SCD5: variants seen among roughly 807,000 people sequenced by gnomAD.
SCD5 encodes stearoyl-CoA desaturase 5.
A neutral mutation model predicts 30.4 loss-of-function variants in SCD5; 20 were observed. The observed-to-expected ratio is 0.66, with a 90% confidence interval of 0.46 to 0.96. SCD5 has a LOEUF of 0.96. Among genes scored for constraint, SCD5 ranks in the 40% least tolerant of loss-of-function variants. SCD5 has a pLI of 0.00. For synonymous variants in SCD5, 173 were observed against 176.4 expected, an observed-to-expected ratio of 0.98 and a Z score of 0.16; for missense variants, 381 against 443.3, an observed-to-expected ratio of 0.86 and a Z score of 1.26.
intron 3 of SCD5, among the ~76,000 whole-genome samples, chr4:82,657,448 A>T (rs904195064): frequency 6.6e-6 from 1 of 152,096 alleles, no homozygotes; most frequent in Non-Finnish European, 1.5e-5. Context: ...GTTCTGTTTC[A>T]TTGGTCTGTG....
At chr4:82,664,707 G>C (rs904714975) in intron 3 of SCD5, among the ~76,000 whole-genome samples, 9 of 152,042 alleles carry the variant, frequency 5.9e-5, no homozygotes, top group Admixed American at 2.0e-4. Context: ...ACTGAGGAAA[G>C]AATTAGTAAA....
At chr4:82,745,303 A>G (rs1379419805) in intron 1 of SCD5, among the ~76,000 whole-genome samples, 1 of 152,154 alleles carries the variant, frequency 6.6e-6, no homozygotes, top group Non-Finnish European at 1.5e-5. Flanking sequence ...TTTCTAATTC[A>G]TGGGGAGACT....
chr4:82,645,314 G>GAAA (rs34850249), intron 3 of SCD5, among the ~76,000 whole-genome samples: 2 of 144,752 alleles, frequency 1.4e-5, no homozygotes, highest in Non-Finnish European at 3.0e-5. Context: ...ACCGTCTCAA[G>GAAA]AAAAAAAAAA....
chr4:82,744,742 G>T lies in SCD5; in HGVS notation c.233-39329C>A, dbSNP rs539510559. Among the ~76,000 whole-genome samples the T allele has an allele frequency of 3.3e-5, 5 of 152,060 alleles. No homozygotes were observed. The East Asian group carries it at 9.6e-4, about 29-fold the overall frequency. On this transcript the variant is annotated intron_variant, in intron 1 of 4. Transcript: ENST00000319540. ...ATCAATAACATGCTTGAAGAATTTA[G>T]GTATCACTTGCTAGTCTTCGAGAAG...
chr4:82,797,957 T>C (rs1421451168), intron 1 of SCD5, among the ~76,000 whole-genome samples: 1 of 152,064 alleles, frequency 6.6e-6, no homozygotes, highest in Non-Finnish European at 1.5e-5. Context: ...CGATTCAGCC[T>C]GTGCCGAGCC....
chr4:82,680,055 G>A (rs763603399), intron 3 of SCD5, among the ~76,000 whole-genome samples: 4 of 152,102 alleles, frequency 2.6e-5, no homozygotes, highest in Non-Finnish European at 5.9e-5. Flanking sequence ...AAGAACAAAG[G>A]TCGCTCTCTA....
chr4:82,794,824 A>AT (rs368222132), intron 1 of SCD5, among the ~76,000 whole-genome samples: 10 of 151,144 alleles, frequency 6.6e-5, no homozygotes, highest in Admixed American at 2.6e-4. Flanking sequence ...TAATTTTTGT[A>AT]TTTTTTTTAG....
intron 1 of SCD5, among the ~76,000 whole-genome samples, chr4:82,763,986 C>T (rs778994689): frequency 4.6e-5 from 7 of 152,100 alleles, no homozygotes; most frequent in Non-Finnish European, 8.8e-5. Flanking sequence ...ATTGATGTTG[C>T]GTGATGTATC....
At chr4:82,747,910 C>T (rs1185249116) in intron 1 of SCD5, among the ~76,000 whole-genome samples, 3 of 152,156 alleles carry the variant, frequency 2.0e-5, no homozygotes, top group African/African-American at 7.2e-5. Flanking sequence ...CCTATGGAAT[C>T]AGGAAGAGAG....
At chr4:82,727,315 A>T (rs1223603171) in intron 1 of SCD5, among the ~76,000 whole-genome samples, 2 of 152,168 alleles carry the variant, frequency 1.3e-5, no homozygotes, top group African/African-American at 4.8e-5. Context: ...ACACTATACT[A>T]AGAGTATGTA....
chr4:82,795,873 T>C (rs1216607060), intron 1 of SCD5, among the ~76,000 whole-genome samples: 1 of 144,356 alleles, frequency 6.9e-6, no homozygotes, highest in African/African-American at 2.6e-5. Flanking sequence ...ATAAGACCCA[T>C]TGTTTGGACT....
At chr4:82,700,099 C>A (rs866013419) in intron 2 of SCD5, among the ~76,000 whole-genome samples, 1 of 151,924 alleles carries the variant, frequency 6.6e-6, no homozygotes, top group Non-Finnish European at 1.5e-5. Context: ...CACCTGTAAT[C>A]CCAGCTACTC....
intron 1 of SCD5, among the ~76,000 whole-genome samples, chr4:82,712,589 T>A (rs1418610975): frequency 6.6e-6 from 1 of 151,986 alleles, no homozygotes; most frequent in East Asian, 1.9e-4. Flanking sequence ...GTGCTGGGAT[T>A]ACAGGCGTGA....
chr4:82,797,948 G>T (rs1380799900), intron 1 of SCD5, among the ~76,000 whole-genome samples: 2 of 152,148 alleles, frequency 1.3e-5, no homozygotes, highest in Non-Finnish European at 2.9e-5. Flanking sequence ...GCTGGGAGCC[G>T]ATTCAGCCTG....
intron 1 of SCD5, among the ~76,000 whole-genome samples, chr4:82,716,769 G>A (rs1269419593): frequency 6.6e-6 from 1 of 151,592 alleles, no homozygotes; most frequent in Non-Finnish European, 1.5e-5. Flanking sequence ...AGCCGAGATC[G>A]TACCACTGCA....
intron 2 of SCD5, among the ~76,000 whole-genome samples, chr4:82,686,999 T>G (rs530965636): frequency 1.5e-3 from 232 of 152,030 alleles, no homozygotes; most frequent in Non-Finnish European, 2.6e-3. Flanking sequence ...GGTGAAACCC[T>G]GTCTCTACTA....
At chr4:82,746,919 T>C (rs13148235) in intron 1 of SCD5, among the ~76,000 whole-genome samples, 97,062 of 151,650 alleles carry the variant, frequency 0.64, 32,718 homozygotes, top group Non-Finnish European at 0.75. Context: ...TGTTGCCATA[T>C]AAACCCGAGA....
At chr4:82,729,898 T>C (rs920903151) in intron 1 of SCD5, among the ~76,000 whole-genome samples, 10 of 152,176 alleles carry the variant, frequency 6.6e-5, no homozygotes, top group African/African-American at 1.9e-4. Flanking sequence ...TTAGCACTTA[T>C]CTTCCATTAG....
intron 1 of SCD5, among the ~76,000 whole-genome samples, chr4:82,766,983 T>C (rs933640756): frequency 2.6e-5 from 4 of 152,174 alleles, no homozygotes; most frequent in African/African-American, 9.6e-5. Flanking sequence ...TGGCCAATTC[T>C]AGAGATAATT....
Sources: allele counts gnomAD v4.1 joint callset (sites outside exome capture counted in the v4.1 genomes callset), GRCh38; gene constraint gnomAD v4.1.1; transcripts MANE v1.5; gene names NCBI Gene and HGNC (gene_info 2026-07-23, HGNC 2026-07-21).